Variants in UNC13C observed in about 807,000 individuals in gnomAD.
The protein encoded by UNC13C is protein unc-13 homolog C.
A neutral mutation model predicts 245.4 loss-of-function variants in UNC13C; 174 were observed. That is an observed-to-expected ratio of 0.71 (90% CI 0.63 to 0.80). UNC13C has a LOEUF of 0.80. Among genes scored for constraint, UNC13C ranks in the 30% least tolerant of loss-of-function variants. The pLI, the probability that UNC13C is intolerant of heterozygous loss-of-function variation, is 0.00. For missense variants in UNC13C, 2,829 were observed against 2,602.9 expected (o/e 1.09, Z -1.89); for synonymous variants, 992 against 895.1 (o/e 1.11, Z -1.93).
At chr15:54,330,174 C>G (rs908495427) in intron 14 of UNC13C, among the ~76,000 whole-genome samples, 3 of 152,004 alleles carry the variant, frequency 2.0e-5, no homozygotes, top group Non-Finnish European at 4.4e-5. Flanking sequence ...GTTGAAAAGT[C>G]TGAATGCTAT....
chr15:54,096,476 A>G (rs1899870089), intron 2 of UNC13C, among the ~76,000 whole-genome samples: 1 of 152,086 alleles, frequency 6.6e-6, no homozygotes, highest in African/African-American at 2.4e-5. Flanking sequence ...TTAACAGCAA[A>G]ACTTATCTAG....
intron 19 of UNC13C, among the ~76,000 whole-genome samples, chr15:54,490,631 G>A (rs1402418099): frequency 6.6e-6 from 1 of 151,788 alleles, no homozygotes; most frequent in Non-Finnish European, 1.5e-5. Context: ...AGAGGCTACT[G>A]CATTGCAAGG....
chr15:54,329,313 T>C (rs1432316742), intron 14 of UNC13C, among the ~76,000 whole-genome samples: 4 of 151,950 alleles, frequency 2.6e-5, no homozygotes, highest in African/African-American at 9.7e-5. Flanking sequence ...TTAGTTATTT[T>C]GAAATACACA....
chr15:53,846,855 T>G, the UNC13C span, among the ~76,000 whole-genome samples: 7 of 152,252 alleles, frequency 4.6e-5, no homozygotes, highest in Non-Finnish European at 8.8e-5. Context: ...ATAATCAGAC[T>G]GAGAGTGAGA....
At chr15:54,119,568 T>C (rs982845905) in intron 2 of UNC13C, among the ~76,000 whole-genome samples, 1 of 152,140 alleles carries the variant, frequency 6.6e-6, no homozygotes, top group African/African-American at 2.4e-5. Flanking sequence ...TTAGTAACCC[T>C]ACATTGGCCT....
At chr15:54,172,771 A>G (rs764658642) in intron 4 of UNC13C, among the ~76,000 whole-genome samples, 1 of 118,536 alleles carries the variant, frequency 8.4e-6, no homozygotes, top group Non-Finnish European at 1.7e-5. Context: ...TCTTTACTCT[A>G]TAGGTCATTT....
At chr15:54,476,551 T>C (rs1258417881) in intron 19 of UNC13C, among the ~76,000 whole-genome samples, 1 of 151,716 alleles carries the variant, frequency 6.6e-6, no homozygotes, top group East Asian at 2.0e-4. Flanking sequence ...CCCAGCACCA[T>C]TTATTAAATA....
intron 17 of UNC13C, among the ~76,000 whole-genome samples, chr15:54,349,352 G>A (rs537367556): frequency 1.1e-4 from 17 of 151,492 alleles, no homozygotes; most frequent in African/African-American, 4.1e-4. Context: ...ATCACTATAT[G>A]CTTTAATTTT....
chr15:54,015,461 A>G lies in UNC13C; in HGVS notation c.2558A>G (p.Tyr853Cys), dbSNP rs1271225906. 2 of 1,613,678 alleles carry G rather than the reference A, an allele frequency of 1.2e-6. No individual in the cohort carries two copies. The highest frequency in any genetic ancestry group is 1.7e-6 in the Non-Finnish European group (2 of 1,179,788). Residue 853 changes from tyrosine to cysteine, a missense_variant, in exon 2 of 33, where the codon TAC (tyrosine) becomes TGC (cysteine). Tyr to Cys is a radical substitution (Grantham distance 194). Transcript: ENST00000260323. ...ESSTTLDSDV[Y>C]TEPYYYKAED... ...AGTACCACACTTGACTCTGATGTCT[A>G]CACGGAGCCCTATTACTATAAAGCA... is the stretch of plus-strand genomic sequence containing the variant.
chr15:54,620,161 C>T (rs547489026), intron 30 of UNC13C, among the ~76,000 whole-genome samples: 2 of 152,074 alleles, frequency 1.3e-5, no homozygotes, highest in East Asian at 1.9e-4. Flanking sequence ...ATGTTTCCAC[C>T]CAGGAGGTTT....
chr15:54,332,768 C>G (rs2038472852), intron 15 of UNC13C, among the ~76,000 whole-genome samples: 1 of 151,962 alleles, frequency 6.6e-6, no homozygotes. Flanking sequence ...AATAGATGCT[C>G]TCTTGTATCT....
chr15:54,165,658 G>C (rs2033139239), intron 4 of UNC13C, among the ~76,000 whole-genome samples: 1 of 151,778 alleles, frequency 6.6e-6, no homozygotes, highest in Middle Eastern at 3.2e-3. Context: ...TTTGACATCA[G>C]GTTTTAGGTT....
Position 54,015,365 on chromosome 15 carries a change from G to T in UNC13C, c.2462G>T (p.Gly821Val), listed in dbSNP as rs747330747. 2 of 1,613,768 alleles carry T rather than the reference G, an allele frequency of 1.2e-6. No homozygotes were observed. Among genetic ancestry groups the T allele is most frequent in the South Asian group, 2.2e-5 (2 of 91,072 alleles). ...AACAAAAGCACACAGAGTCTGAGTGGGTATGAGGACAGTGGCTCTTCATTA... is the reference window on the plus strand; with the variant it reads ...AACAAAAGCACACAGAGTCTGAGTGTGTATGAGGACAGTGGCTCTTCATTA... The part of the protein sequence containing the change: ...VWNKSTQSLS[G>V]YEDSGSSLMG... The change falls in exon 2 of 33, where the codon GGG (glycine) becomes GTG (valine). Residue 821 changes from glycine to valine, a missense_variant. By Grantham distance (109) the Gly-to-Val change is moderately radical. Coordinates refer to ENST00000260323, the MANE Select transcript of UNC13C (RefSeq NM_001080534.3).
chr15:54,348,342 A>G (rs943168385), intron 17 of UNC13C, among the ~76,000 whole-genome samples: 8 of 152,144 alleles, frequency 5.3e-5, no homozygotes, highest in Non-Finnish European at 8.8e-5. Flanking sequence ...GGACAGAAGC[A>G]CCCTTTACTT....
the UNC13C span, among the ~76,000 whole-genome samples, chr15:53,929,426 C>CT: frequency 6.6e-6 from 1 of 152,050 alleles, no homozygotes; most frequent in Non-Finnish European, 1.5e-5. Context: ...TCACCAGAGA[C>CT]TTTTTTGGTG....
At chr15:54,409,500 T>C (rs2040374490) in intron 18 of UNC13C, among the ~76,000 whole-genome samples, 1 of 152,060 alleles carries the variant, frequency 6.6e-6, no homozygotes, top group African/African-American at 2.4e-5. Flanking sequence ...TAGTAGCCAA[T>C]AGGTAGTTTT....
chr15:54,229,568 T>G (rs1412716920), intron 4 of UNC13C, among the ~76,000 whole-genome samples: 2 of 152,230 alleles, frequency 1.3e-5, no homozygotes, highest in Non-Finnish European at 2.9e-5. Context: ...ATTTACATTG[T>G]GAAATGGCAA....
At chr15:54,232,791 G>A (rs2035588686) in intron 4 of UNC13C, among the ~76,000 whole-genome samples, 1 of 152,086 alleles carries the variant, frequency 6.6e-6, no homozygotes, top group African/African-American at 2.4e-5. Flanking sequence ...GTTCATTATT[G>A]ATACTGTTCA....
chr15:54,575,599 G>A (rs1293071473), intron 30 of UNC13C, among the ~76,000 whole-genome samples: 1 of 151,720 alleles, frequency 6.6e-6, no homozygotes, highest in African/African-American at 2.4e-5. Context: ...TTGGCCAAGG[G>A]CCACCGCTGA....
Sources: allele counts gnomAD v4.1 joint callset (sites outside exome capture counted in the v4.1 genomes callset), GRCh38; gene constraint gnomAD v4.1.1; transcripts MANE v1.5; gene names NCBI Gene and HGNC (gene_info 2026-07-23, HGNC 2026-07-21).